Variants in MIR2052HG observed in about 807,000 individuals in gnomAD.
The protein encoded by MIR2052HG is MIR2052 host gene.
At chr8:74,632,581 G>C (rs762810265) in intron 2 of MIR2052HG, 2 of 151,908 alleles carry the variant, frequency 1.3e-5, no homozygotes, top group African/African-American at 2.4e-5. Flanking sequence ...TAAACTTCAG[G>C]CTTAAAAATT....
At chr8:74,747,096 A>C (rs1394338630) in intron 4 of MIR2052HG, among the ~76,000 whole-genome samples, 1 of 152,166 alleles carries the variant, frequency 6.6e-6, no homozygotes, top group African/African-American at 2.4e-5. Context: ...TATACTCTAG[A>C]TGTGAACATC....
intron 4 of MIR2052HG, among the ~76,000 whole-genome samples, chr8:74,752,002 T>G (rs1025022064): frequency 6.6e-6 from 1 of 151,882 alleles, no homozygotes; most frequent in Non-Finnish European, 1.5e-5. Flanking sequence ...TTAAAAACAG[T>G]CTAGGCATAG....
intron 4 of MIR2052HG, among the ~76,000 whole-genome samples, chr8:74,748,691 G>T (rs1044424884): frequency 6.6e-6 from 1 of 152,164 alleles, no homozygotes; most frequent in African/African-American, 2.4e-5. Context: ...AGACTGCCCA[G>T]AGAGGGTTTC....
chr8:74,667,357 T>G (rs1027099029), intron 2 of MIR2052HG, among the ~76,000 whole-genome samples: 3 of 152,156 alleles, frequency 2.0e-5, no homozygotes, highest in African/African-American at 7.2e-5. Flanking sequence ...GGAACTCATA[T>G]GACAAAAGAT....
At chr8:74,615,589 C>T (rs915002479) in intron 2 of MIR2052HG, among the ~76,000 whole-genome samples, 1 of 152,044 alleles carries the variant, frequency 6.6e-6, no homozygotes, top group African/African-American at 2.4e-5. Flanking sequence ...ACTGGCAACT[C>T]CATTGTCTTG....
At chr8:74,680,023 G>A (rs545992896) in intron 2 of MIR2052HG, among the ~76,000 whole-genome samples, 5 of 152,140 alleles carry the variant, frequency 3.3e-5, no homozygotes, top group South Asian at 2.1e-4. Context: ...CATTATTCAC[G>A]GATCATATTA....
chr8:74,693,416 C>T (rs561021412), intron 2 of MIR2052HG, among the ~76,000 whole-genome samples: 50 of 152,074 alleles, frequency 3.3e-4, no homozygotes, highest in African/African-American at 1.2e-3. Context: ...TGTGAAGTTT[C>T]CTGGATAGAA....
At chr8:74,662,136 G>A (rs1808871969) in intron 2 of MIR2052HG, among the ~76,000 whole-genome samples, 1 of 152,084 alleles carries the variant, frequency 6.6e-6, no homozygotes, top group Non-Finnish European at 1.5e-5. Context: ...TCACGGTTTT[G>A]AAACAAGAGT....
chr8:74,712,411 A>G (rs1427850689), intron 4 of MIR2052HG, among the ~76,000 whole-genome samples: 1 of 152,206 alleles, frequency 6.6e-6, no homozygotes, highest in East Asian at 1.9e-4. Context: ...ACTCAGCTTA[A>G]TATATGTCTC....
intron 2 of MIR2052HG, among the ~76,000 whole-genome samples, chr8:74,656,471 G>A (rs549902797): frequency 2.8e-4 from 43 of 152,258 alleles, no homozygotes; most frequent in South Asian, 2.3e-3. Flanking sequence ...TAAGTCTCAC[G>A]AGATCTGATG....
At chr8:74,710,206 G>A (rs1362455104) in intron 4 of MIR2052HG, among the ~76,000 whole-genome samples, 2 of 152,104 alleles carry the variant, frequency 1.3e-5, no homozygotes, top group Non-Finnish European at 2.9e-5. Flanking sequence ...GGAGTAAGCA[G>A]GCATAACAGA....
At chr8:74,646,542 A>G (rs1205090430) in intron 2 of MIR2052HG, among the ~76,000 whole-genome samples, 1 of 152,162 alleles carries the variant, frequency 6.6e-6, no homozygotes, top group Non-Finnish European at 1.5e-5. Flanking sequence ...TCAGTTTAGG[A>G]CATGGTAATT....
chr8:74,603,658 G>GT (rs1808058974), intron 1 of MIR2052HG: 1 of 1,144,966 alleles, frequency 8.7e-7, no homozygotes, highest in South Asian at 1.2e-5. Context: ...TCCTTGAAGG[G>GT]TATAGGCCTG....
chr8:74,731,538 C>G (rs984300476), intron 4 of MIR2052HG, among the ~76,000 whole-genome samples: 1 of 152,060 alleles, frequency 6.6e-6, no homozygotes, highest in Non-Finnish European at 1.5e-5. Flanking sequence ...GACCTATGAC[C>G]ATTGATCCAC....
At chr8:74,692,882 C>G (rs962899552) in intron 2 of MIR2052HG, among the ~76,000 whole-genome samples, 1 of 152,010 alleles carries the variant, frequency 6.6e-6, no homozygotes, top group Non-Finnish European at 1.5e-5. Context: ...TCAAAACTTC[C>G]AGAAAGTCAA....
intron 2 of MIR2052HG, among the ~76,000 whole-genome samples, chr8:74,630,463 G>A (rs1028629887): frequency 6.8e-6 from 1 of 146,300 alleles, no homozygotes; most frequent in African/African-American, 2.5e-5. Context: ...ATCTTGGCAA[G>A]CCTTTTACTC....
chr8:74,688,142 A>G (rs1809202763), intron 2 of MIR2052HG, among the ~76,000 whole-genome samples: 1 of 152,178 alleles, frequency 6.6e-6, no homozygotes, highest in Admixed American at 6.5e-5. Context: ...CCTTATGTTT[A>G]TGCAATCTTA....
chr8:74,701,013 C>G (rs1809351761), intron 2 of MIR2052HG, among the ~76,000 whole-genome samples: 1 of 152,032 alleles, frequency 6.6e-6, no homozygotes, highest in African/African-American at 2.4e-5. Flanking sequence ...TCTAAGATAT[C>G]ACACAGAAAT....
chr8:74,627,775 G>C (rs1472570552), intron 2 of MIR2052HG, among the ~76,000 whole-genome samples: 2 of 152,122 alleles, frequency 1.3e-5, no homozygotes, highest in Non-Finnish European at 2.9e-5. Flanking sequence ...ATCCTCCAGG[G>C]TGTCTGAATG....
Sources: allele counts gnomAD v4.1 joint callset (sites outside exome capture counted in the v4.1 genomes callset), GRCh38; gene constraint gnomAD v4.1.1; transcripts MANE v1.5; gene names NCBI Gene and HGNC (gene_info 2026-07-23, HGNC 2026-07-21).